The following SLC4A4 variants were observed in gnomAD, a reference collection of about 807,000 sequenced individuals.
SLC4A4 encodes the protein solute carrier family 4 member 4.
SLC4A4 carries 27 observed loss-of-function variants against 111.5 expected under a neutral mutation model. The observed-to-expected ratio is 0.24, with a 90% CI of 0.18 to 0.33. SLC4A4 has a LOEUF of 0.33. Among genes scored for constraint, SLC4A4 ranks in the 10% least tolerant of loss-of-function variants. SLC4A4 has a pLI of 1.00. For missense variants in SLC4A4, 909 were observed against 1,315.5 expected (o/e 0.69, Z 4.78); for synonymous variants, 443 against 463.4 (o/e 0.96, Z 0.57).
intron 5 of SLC4A4, among the ~76,000 whole-genome samples, chr4:71,355,213 G>A (rs1438574709): frequency 7.2e-5 from 11 of 152,320 alleles, no homozygotes; most frequent in Admixed American, 5.2e-4. Flanking sequence ...GGCCCTGCCA[G>A]GAAGGGTAGA....
At position 71,391,891 on chromosome 4, in the gene SLC4A4, T is replaced by C. The variant is rs543300528; in HGVS notation, c.731-5686T>C. On this transcript the variant is annotated intron_variant, in intron 6 of 25. Coordinates refer to ENST00000264485, the MANE Select transcript of SLC4A4 (RefSeq NM_001098484.3). ...AGAAGCAACATACTTTAGGGTACAC[T>C]TGTATTTCACCTTTTTGGTGCAAGG... 2.0e-5 allele frequency among the ~76,000 whole-genome samples: 3 copies of C among 152,182 alleles called. No individual in the cohort carries two copies. In the East Asian group the frequency reaches 5.8e-4, roughly 29 times the overall value.
In SLC4A4 at chr4:71,131,910, G is replaced by A. The variant is rs558675714; in HGVS notation, c.-2+39118G>A. Among the ~76,000 whole-genome samples, 448 of 152,170 alleles carry A rather than the reference G, an allele frequency of 2.9e-3. 1 individual carries two copies. The highest frequency in any genetic ancestry group is 0.01 in the African/African-American group (428 of 41,518). On this transcript the variant is annotated intron_variant, in intron 2 of 26. Transcript: ENST00000649996. Reference sequence around the variant, plus strand: ...ACTGTGTTATCAGACACTCCAGATGGAGCTTCCTGTACCATTGTTAATTAT... The same window carrying A: ...ACTGTGTTATCAGACACTCCAGATGAAGCTTCCTGTACCATTGTTAATTAT...
At chr4:71,436,060 A>T (rs1262988856) in intron 7 of SLC4A4, among the ~76,000 whole-genome samples, 2 of 152,246 alleles carry the variant, frequency 1.3e-5, no homozygotes, top group Non-Finnish European at 2.9e-5. Flanking sequence ...ATTATTGGGT[A>T]TATACCCAAA....
intron 1 of SLC4A4, among the ~76,000 whole-genome samples, chr4:71,085,304 A>G (rs1273252867): frequency 2.0e-5 from 3 of 151,992 alleles, no homozygotes; most frequent in African/African-American, 7.3e-5. Context: ...TCTGGATATT[A>G]GCCCTTTGTC....
Position 71,255,388 on chromosome 4 carries a change from T to C in SLC4A4, c.242T>C (p.Leu81Pro). 3.1e-6 allele frequency: 5 copies of C among 1,613,492 alleles called. No homozygotes were observed. Among genetic ancestry groups the C allele is most frequent in the Non-Finnish European group, 4.2e-6 (5 of 1,179,502 alleles). The change falls in exon 3 of 26, where the codon CTA becomes CCA. Residue 81 changes from leucine to proline, a missense_variant. Around this residue, in one of 7 missense-constraint regions of SLC4A4, gnomAD observed 117 missense variants for 154.2 expected, o/e 0.76. Coordinates refer to ENST00000264485, the MANE Select transcript of SLC4A4 (RefSeq NM_001098484.3). ...GCTGATGAATCCAGCAGCAGCATCC[T>C]AAAACCTCTCAGTGAGTACTCTCTG... ...ENADESSSSILKPLISPAAER... is the reference protein window; with the variant it reads ...ENADESSSSIPKPLISPAAER...
chr4:71,072,135 T>C (rs181579200), intron 1 of SLC4A4, among the ~76,000 whole-genome samples: 20 of 152,328 alleles, frequency 1.3e-4, no homozygotes, highest in Admixed American at 6.5e-4. Flanking sequence ...CAATCTTTTG[T>C]ATAATACTTA....
intron 3 of SLC4A4, among the ~76,000 whole-genome samples, chr4:71,328,927 C>G (rs1727721306): frequency 6.6e-6 from 1 of 151,984 alleles, no homozygotes; most frequent in Non-Finnish European, 1.5e-5. Context: ...CCAATGTTTT[C>G]TTGTAGTAGC....
intron 12 of SLC4A4, among the ~76,000 whole-genome samples, chr4:71,462,689 G>A (rs912413393): frequency 2.0e-5 from 3 of 152,078 alleles, no homozygotes; most frequent in Admixed American, 6.6e-5. Flanking sequence ...GATTACAGGC[G>A]TGAGCCGCTA....
chr4:71,372,368 T>A (rs184613843), intron 6 of SLC4A4, among the ~76,000 whole-genome samples: 54 of 152,344 alleles, frequency 3.5e-4, no homozygotes, highest in African/African-American at 9.9e-4. Context: ...CCGGCAGGCC[T>A]GAAACCAGCC....
At chr4:71,132,387 G>A (rs1020730587) in intron 2 of SLC4A4, among the ~76,000 whole-genome samples, 4 of 152,120 alleles carry the variant, frequency 2.6e-5, no homozygotes, top group East Asian at 1.9e-4. Context: ...CATGTTCTTC[G>A]AATTTGCCCA....
chr4:71,494,100 A>G (rs1730187368), intron 15 of SLC4A4, among the ~76,000 whole-genome samples: 1 of 151,934 alleles, frequency 6.6e-6, no homozygotes, highest in African/African-American at 2.4e-5. Context: ...GATGACTCCT[A>G]AGTAGATGTC....
chr4:71,145,596 G>A (rs183123610), intron 2 of SLC4A4, among the ~76,000 whole-genome samples: 2 of 151,888 alleles, frequency 1.3e-5, no homozygotes, highest in South Asian at 2.1e-4. Context: ...TTTAGTTGGT[G>A]AGCTATTAAT....
intron 16 of SLC4A4, among the ~76,000 whole-genome samples, chr4:71,517,952 G>A (rs1246419080): frequency 6.6e-6 from 1 of 152,094 alleles, no homozygotes; most frequent in Non-Finnish European, 1.5e-5. Flanking sequence ...TGGGGCCTGG[G>A]TCCATGAGGG....
intron 2 of SLC4A4, among the ~76,000 whole-genome samples, chr4:71,243,587 G>A (rs1419100344): frequency 3.9e-5 from 6 of 152,146 alleles, no homozygotes; most frequent in Admixed American, 1.3e-4. Flanking sequence ...GTGAGAGCCT[G>A]CAATGGCATA....
chr4:71,109,363 C>A (rs996460215), intron 2 of SLC4A4, among the ~76,000 whole-genome samples: 9 of 152,110 alleles, frequency 5.9e-5, no homozygotes, highest in African/African-American at 1.7e-4. Context: ...ATGCACCAAT[C>A]CTTTAAATCC....
chr4:71,425,025 A>G (rs1347872055), intron 7 of SLC4A4, among the ~76,000 whole-genome samples: 1 of 152,122 alleles, frequency 6.6e-6, no homozygotes, highest in Non-Finnish European at 1.5e-5. Context: ...GTAATAGCTG[A>G]TTAAGTTTAG....
chr4:71,405,332 G>T (rs900383551), intron 7 of SLC4A4, among the ~76,000 whole-genome samples: 4 of 152,014 alleles, frequency 2.6e-5, no homozygotes, highest in Admixed American at 2.6e-4. Flanking sequence ...TCTGATAGAT[G>T]AATACTTATA....
At chr4:71,374,338 A>G (rs965288915) in intron 6 of SLC4A4, among the ~76,000 whole-genome samples, 4 of 152,212 alleles carry the variant, frequency 2.6e-5, no homozygotes, top group Non-Finnish European at 5.9e-5. Flanking sequence ...TTCCAAGTAC[A>G]ACTTTAAAAA....
intron 2 of SLC4A4, among the ~76,000 whole-genome samples, chr4:71,103,058 A>G (rs1742806105): frequency 6.6e-6 from 1 of 151,664 alleles, no homozygotes; most frequent in Admixed American, 6.6e-5. Context: ...TAGGCTCAAA[A>G]TAAAAGGTTG....
Sources: allele counts gnomAD v4.1 joint callset (sites outside exome capture counted in the v4.1 genomes callset), GRCh38; gene constraint gnomAD v4.1.1; regional missense constraint gnomAD v4.1.1; transcripts MANE v1.5; gene names NCBI Gene and HGNC (gene_info 2026-07-23, HGNC 2026-07-21).